KIF18A: variants seen among roughly 807,000 people sequenced by gnomAD.
KIF18A encodes the protein kinesin-like protein KIF18A.
In KIF18A, 67 loss-of-function variants were observed where a neutral mutation model predicts 103.3. That is an observed-to-expected ratio of 0.65 (90% CI 0.53 to 0.79). The LOEUF is 0.79. KIF18A is among the 30% of genes least tolerant of loss of function. The probability of loss-of-function intolerance (pLI) is 0.00; values close to 1 mark genes in which losing one functional copy is unlikely to be tolerated. For synonymous variants in KIF18A, 367 were observed against 355.5 expected (o/e 1.03, Z -0.36); for missense variants, 1,032 against 1,062.5 (o/e 0.97, Z 0.40).
At chr11:28,065,876 A>G (rs891334670) in intron 11 of KIF18A, among the ~76,000 whole-genome samples, 3 of 152,048 alleles carry the variant, frequency 2.0e-5, no homozygotes, top group East Asian at 1.9e-4. Context: ...TTTAAAACTT[A>G]TATACACAAA....
chr11:28,078,191 C>T (rs1364302236), intron 9 of KIF18A, among the ~76,000 whole-genome samples: 3 of 151,990 alleles, frequency 2.0e-5, no homozygotes, highest in Non-Finnish European at 4.4e-5. Context: ...TGCCAATTTA[C>T]GTCAGTAGCT....
chr11:28,073,751 A>G (rs1337531303), intron 10 of KIF18A, among the ~76,000 whole-genome samples: 2 of 152,104 alleles, frequency 1.3e-5, no homozygotes, highest in African/African-American at 4.8e-5. Context: ...CATTTTTATT[A>G]TTTTTATTGC....
intron 11 of KIF18A, among the ~76,000 whole-genome samples, chr11:28,063,864 T>C (rs1725361677): frequency 6.6e-6 from 1 of 151,864 alleles, no homozygotes; most frequent in African/African-American, 2.4e-5. Context: ...TTAAAGAATA[T>C]TAAGATTAAA....
chr11:28,103,078 G>A (rs766141916), intron 1 of KIF18A, among the ~76,000 whole-genome samples: 1 of 152,104 alleles, frequency 6.6e-6, no homozygotes, highest in Non-Finnish European at 1.5e-5. Context: ...CTACCCCTAA[G>A]TGGTATTTAC....
chr11:28,106,618 T>C (rs1379469900), intron 1 of KIF18A, among the ~76,000 whole-genome samples: 2 of 151,270 alleles, frequency 1.3e-5, no homozygotes, highest in African/African-American at 4.9e-5. Context: ...ATTTCTATGA[T>C]GGGACAAGAT....
chr11:28,072,251 T>C (rs1196583971), intron 10 of KIF18A, among the ~76,000 whole-genome samples: 4 of 152,310 alleles, frequency 2.6e-5, no homozygotes, highest in Non-Finnish European at 2.9e-5. Context: ...AATTCTACAA[T>C]TTTAGTTGTT....
chr11:28,059,196 A>C, intron 12 of KIF18A, 35 bp from the exon 13 acceptor site: 6 of 1,382,450 alleles, frequency 4.3e-6, no homozygotes, highest in South Asian at 1.2e-5. Context: ...GGAGAGATAA[A>C]TATGACATTT....
chr11:28,079,150 C>T (rs766294813), intron 9 of KIF18A, among the ~76,000 whole-genome samples: 3 of 151,938 alleles, frequency 2.0e-5, no homozygotes, highest in Non-Finnish European at 2.9e-5. Context: ...AAGAAAGGTT[C>T]AATTATTTAA....
At chr11:28,085,811 C>G (rs559926488) in intron 6 of KIF18A, among the ~76,000 whole-genome samples, 1 of 152,048 alleles carries the variant, frequency 6.6e-6, no homozygotes, top group African/African-American at 2.4e-5. Context: ...TCTCCGCACA[C>G]GGGGAGGACA....
At chr11:28,088,962 A>C (rs1042515329) in intron 5 of KIF18A, among the ~76,000 whole-genome samples, 3 of 152,244 alleles carry the variant, frequency 2.0e-5, no homozygotes, top group Non-Finnish European at 4.4e-5. Flanking sequence ...ACTTGATAGA[A>C]GATCAAAACT....
rs146419174 is a variant in KIF18A, at chr11:28,071,894, C to T, written c.1426-2471G>A. Among the ~76,000 whole-genome samples the T allele has an allele frequency of 1.2e-3, 190 of 152,268 alleles. 1 individual carries two copies. In the Middle Eastern group the frequency reaches 0.017, roughly 14 times the overall value. On this transcript the variant is annotated intron_variant, in intron 10 of 16. Coordinates refer to ENST00000263181, the MANE Select transcript of KIF18A (RefSeq NM_031217.4). Reference sequence around the variant, plus strand: ...CATCTTTATTTTGCTTTAGCATTTACAGTCGTAGGGACTCTTAGAAACCAG... The same window carrying T: ...CATCTTTATTTTGCTTTAGCATTTATAGTCGTAGGGACTCTTAGAAACCAG...
intron 6 of KIF18A, among the ~76,000 whole-genome samples, chr11:28,085,262 G>A (rs1214714727): frequency 6.6e-6 from 1 of 151,940 alleles, no homozygotes; most frequent in Non-Finnish European, 1.5e-5. Context: ...CCGCGAAAGG[G>A]AGTCTCCTTT....
chr11:28,065,811 G>C (rs1043757974), intron 11 of KIF18A, among the ~76,000 whole-genome samples: 1 of 151,940 alleles, frequency 6.6e-6, no homozygotes, highest in African/African-American at 2.4e-5. Context: ...TATAATACAA[G>C]CATAATGTAA....
chr11:28,059,161 T>C lies in KIF18A; in HGVS notation c.1713A>G (p.Ala571=). Reference sequence around the variant, plus strand: ...GGGTTGGAAGTAAAGCATTCAATACTCTATATACAGAAGATGAGAAGAAAG... The same window carrying C: ...GGGTTGGAAGTAAAGCATTCAATACCCTATATACAGAAGATGAGAAGAAAG... The part of the protein sequence containing the change: ...LQEQQHRQTE[A]VLNALLPTLR... Residue 571 remains alanine (A), a splice_region_variant and synonymous_variant, in exon 13 of 17, where the codon GCA becomes GCG. Transcript: ENST00000263181. 6.3e-7 allele frequency: 1 copy of C among 1,586,522 alleles called. No homozygotes were observed. Among genetic ancestry groups the C allele is most frequent in the Non-Finnish European group, 8.7e-7 (1 of 1,155,320 alleles).
At chr11:28,047,961 T>C (rs962194968) in intron 13 of KIF18A, among the ~76,000 whole-genome samples, 2 of 152,160 alleles carry the variant, frequency 1.3e-5, no homozygotes, top group African/African-American at 4.8e-5. Flanking sequence ...TTAGAGCTCG[T>C]GTATGTGTAT....
At chr11:28,049,268 C>T (rs1214673290) in intron 13 of KIF18A, among the ~76,000 whole-genome samples, 2 of 151,684 alleles carry the variant, frequency 1.3e-5, no homozygotes, top group East Asian at 3.9e-4. Context: ...ATTTATTTTT[C>T]AGCTTTTGGA....
At chr11:28,077,695 T>C (rs910798615) in intron 9 of KIF18A, among the ~76,000 whole-genome samples, 1 of 152,120 alleles carries the variant, frequency 6.6e-6, no homozygotes, top group Non-Finnish European at 1.5e-5. Context: ...GTTTTTAGCT[T>C]CAGAATTTGT....
At chr11:28,063,308 C>T (rs1850879121) in intron 11 of KIF18A, among the ~76,000 whole-genome samples, 2 of 151,984 alleles carry the variant, frequency 1.3e-5, no homozygotes, top group Non-Finnish European at 1.5e-5. Context: ...TTAAATGATC[C>T]TAATAGTGTG....
At chr11:28,091,213 A>G (rs1851299709) in intron 4 of KIF18A, among the ~76,000 whole-genome samples, 196 bp downstream of exon 4, 1 of 152,148 alleles carries the variant, frequency 6.6e-6, no homozygotes, top group Admixed American at 6.6e-5. Flanking sequence ...AATAAAATTT[A>G]AAAAATGTTT....
Sources: gnomAD v4.1 joint callset for allele counts (sites outside exome capture counted in the v4.1 genomes callset) on GRCh38, gnomAD v4.1.1 for gene constraint, MANE v1.5 for transcripts, NCBI Gene and HGNC (gene_info 2026-07-23, HGNC 2026-07-21) for gene names.